Variants in TPO observed in about 807,000 individuals in gnomAD.
TPO encodes thyroid microsomal antigen.
A neutral mutation model predicts 96.9 loss-of-function variants in TPO; 78 were observed. That is an observed-to-expected ratio of 0.81 (90% CI 0.67 to 0.97). The LOEUF (loss-of-function observed/expected upper bound fraction) is 0.97, where lower values mean the gene tolerates loss of function less well. Among genes scored for constraint, TPO ranks in the 50% least tolerant of loss-of-function variants. The pLI, the probability that TPO is intolerant of heterozygous loss-of-function variation, is 0.00. For missense variants in TPO, 1,252 were observed against 1,274.8 expected (o/e 0.98, Z 0.27); for synonymous variants, 547 against 538.0 (o/e 1.02, Z -0.23).
At chr2:1,499,246 A>ACCTGCCCTCTGACCTTCCG (rs1672645007) in intron 13 of TPO, among the ~76,000 whole-genome samples, 2 of 151,482 alleles carry the variant, frequency 1.3e-5, no homozygotes, top group African/African-American at 4.9e-5. Flanking sequence ...CTGACCTTCC[A>ACCTGCCCTCTGACCTTCCG]CCTGCCCTCT....
chr2:1,526,809 C>T (rs1028927711), intron 15 of TPO, among the ~76,000 whole-genome samples: 13 of 129,944 alleles, frequency 1.0e-4, no homozygotes, highest in African/African-American at 3.0e-4. Flanking sequence ...CCCCAAATCC[C>T]CCCCAATCTA....
chr2:1,396,191 C>T (rs781409806), intron 1 of TPO, among the ~76,000 whole-genome samples: 3 of 152,174 alleles, frequency 2.0e-5, no homozygotes, highest in Non-Finnish European at 4.4e-5. Context: ...AGGGGAGCCA[C>T]ATGGCCACAG....
upstream of TPO, among the ~76,000 whole-genome samples, chr2:1,412,279 C>T (rs1321522250): frequency 2.6e-5 from 4 of 152,218 alleles, no homozygotes; most frequent in African/African-American, 9.7e-5. Context: ...ATGGCTGAAT[C>T]CTCAGAGGCT....
chr2:1,488,415 A>T (rs1312141090), intron 10 of TPO, among the ~76,000 whole-genome samples: 2 of 152,058 alleles, frequency 1.3e-5, no homozygotes, highest in Non-Finnish European at 2.9e-5. Flanking sequence ...GCTGTTAACT[A>T]ACTGGTCCAA....
At chr2:1,506,276 T>C (rs1673452454) in intron 14 of TPO, among the ~76,000 whole-genome samples, 1 of 151,132 alleles carries the variant, frequency 6.6e-6, no homozygotes, top group Non-Finnish European at 1.5e-5. Context: ...CTTAATCCAG[T>C]CTATCATTGT....
At chr2:1,497,355 T>A (rs150755846) in intron 13 of TPO, among the ~76,000 whole-genome samples, 6 of 152,284 alleles carry the variant, frequency 3.9e-5, no homozygotes, top group Non-Finnish European at 7.4e-5. Context: ...TGAGCGGGTG[T>A]CAGCCCAGGG....
At chr2:1,481,858 G>A (rs1353590541) in intron 8 of TPO, among the ~76,000 whole-genome samples, 1 of 152,148 alleles carries the variant, frequency 6.6e-6, no homozygotes, top group Non-Finnish European at 1.5e-5. Context: ...AGGGGTAGCT[G>A]TGGAGGCTGT....
chr2:1,505,841 T>A (rs1306323214), intron 14 of TPO, among the ~76,000 whole-genome samples: 1 of 104,048 alleles, frequency 9.6e-6, no homozygotes, highest in East Asian at 2.7e-4. Context: ...GTGGCTTTCT[T>A]TTTGGCAGTT....
intron 15 of TPO, among the ~76,000 whole-genome samples, chr2:1,526,875 G>C: frequency 8.9e-6 from 1 of 112,692 alleles, no homozygotes; most frequent in East Asian, 2.8e-4. Context: ...CCCCTGCTTT[G>C]TGGGCAATGT....
chr2:1,471,395 T>C (rs1370678039), intron 7 of TPO, among the ~76,000 whole-genome samples: 1 of 152,178 alleles, frequency 6.6e-6, no homozygotes, highest in Non-Finnish European at 1.5e-5. Context: ...GTTCACTGTG[T>C]CGTGCTTTTT....
chr2:1,491,788 G>A (rs1244436565), intron 10 of TPO, among the ~76,000 whole-genome samples: 4 of 152,156 alleles, frequency 2.6e-5, no homozygotes, highest in Admixed American at 6.5e-5. Flanking sequence ...TTTGTTGGAG[G>A]TGCTGAGATG....
At chr2:1,376,342 A>G (rs1661722100) in intron 1 of TPO, among the ~76,000 whole-genome samples, 1 of 152,108 alleles carries the variant, frequency 6.6e-6, no homozygotes, top group Admixed American at 6.6e-5. Flanking sequence ...CTTTTAAACA[A>G]TGGTTTAGGG....
rs752166324 is a variant in TPO, at chr2:1,477,114, G to C, written c.848G>C (p.Gly283Ala). ...QLPEEARPAA[G>A]TACLPFYRSS... ...CCGGAGGAGGCCCGGCCGGCCGCGGGCACCGCCTGTCTGCCCTTCTACCGC... is the reference window on the plus strand; with the variant it reads ...CCGGAGGAGGCCCGGCCGGCCGCGGCCACCGCCTGTCTGCCCTTCTACCGC... The change falls in exon 8 of 17, where the codon GGC becomes GCC. Residue 283 changes from glycine (G) to alanine (A), a missense_variant. Coordinates refer to ENST00000329066, the MANE Select transcript of TPO (RefSeq NM_001206744.2). 2 of 1,607,450 alleles carry C rather than the reference G, an allele frequency of 1.2e-6. No homozygotes were observed. The highest frequency in any genetic ancestry group is 1.7e-6 in the Non-Finnish European group (2 of 1,178,404).
At chr2:1,438,192 C>A (rs1010299735) in intron 5 of TPO, among the ~76,000 whole-genome samples, 4 of 151,320 alleles carry the variant, frequency 2.6e-5, no homozygotes, top group Non-Finnish European at 5.9e-5. Context: ...TCCCGGGGGA[C>A]AGTGGCGTTG....
intron 8 of TPO, among the ~76,000 whole-genome samples, chr2:1,480,735 G>GC (rs1558338707): frequency 1.8e-5 from 1 of 55,270 alleles, no homozygotes; most frequent in African/African-American, 5.1e-5. Context: ...TCCAAACCAT[G>GC]TTTCTCCTGC....
At chr2:1,531,023 C>T (rs1218753965) in intron 15 of TPO, among the ~76,000 whole-genome samples, 2 of 120,238 alleles carry the variant, frequency 1.7e-5, no homozygotes, top group Non-Finnish European at 3.3e-5. Flanking sequence ...CTCACCCTAT[C>T]TTTCCCACTG....
chr2:1,524,712 A>C (rs1573545302), intron 15 of TPO, among the ~76,000 whole-genome samples: 4 of 63,750 alleles, frequency 6.3e-5, no homozygotes, highest in African/African-American at 6.2e-5. Context: ...CAAACTCCCC[A>C]CATTCCCCCC....
In TPO at chr2:1,540,828, TCCGTGTTTCCTA is replaced by T. The variant is rs771967716; in HGVS notation, c.2748+106_2748+117del. On this transcript the variant is annotated intron_variant, in intron 16 of 16. Transcript: ENST00000329066. ...GGGCTCCCTGCATATTTCTGTTTAC[TCCGTGTTTCCTA>T]GTCCGTTCTGCACCTTCCTCCGGGA... The T allele has an allele frequency of 6.3e-6, 10 of 1,593,766 alleles. No homozygotes were observed. In the South Asian group the frequency reaches 1.1e-4, roughly 18 times the overall value.
chr2:1,514,175 G>C (rs1449664437), intron 14 of TPO, among the ~76,000 whole-genome samples: 2 of 152,200 alleles, frequency 1.3e-5, no homozygotes, highest in Non-Finnish European at 2.9e-5. Context: ...AGCTCAAGCA[G>C]AGAGTCAGGA....
Sources: allele counts gnomAD v4.1 joint callset (sites outside exome capture counted in the v4.1 genomes callset), GRCh38; gene constraint gnomAD v4.1.1; transcripts MANE v1.5; gene names NCBI Gene and HGNC (gene_info 2026-07-23, HGNC 2026-07-21).